HOMER1: variants seen among roughly 807,000 people sequenced by gnomAD.
HOMER1 encodes the protein homer scaffold protein 1, also known as homer protein homolog 1.
In HOMER1, 3 loss-of-function variants were observed where a neutral mutation model predicts 48.9. The observed-to-expected ratio is 0.06, with a 90% CI of 0.03 to 0.16. The LOEUF (loss-of-function observed/expected upper bound fraction) is 0.16, where lower values mean the gene tolerates loss of function less well. Ranked by LOEUF, HOMER1 falls within the 10% of genes least tolerant of loss-of-function variation. HOMER1 has a pLI of 1.00. For synonymous variants in HOMER1, 134 were observed against 146.4 expected (o/e 0.92, Z 0.61); for missense variants, 247 against 411.4 (o/e 0.60, Z 3.46).
intron 1 of HOMER1, among the ~76,000 whole-genome samples, chr5:79,457,698 T>C (rs1006381286): frequency 6.6e-6 from 1 of 152,164 alleles, no homozygotes; most frequent in African/African-American, 2.4e-5. Context: ...AAAACATAGT[T>C]ATGTATTGAT....
chr5:79,509,337 T>C (rs1450091461), intron 1 of HOMER1, among the ~76,000 whole-genome samples: 11 of 152,194 alleles, frequency 7.2e-5, no homozygotes, highest in Admixed American at 6.5e-4. Flanking sequence ...AAGAATTCTT[T>C]ACCATTGCTG....
intron 1 of HOMER1, among the ~76,000 whole-genome samples, chr5:79,461,918 G>A (rs1044681904): frequency 2.6e-5 from 4 of 152,148 alleles, no homozygotes; most frequent in Admixed American, 6.5e-5. Context: ...ATAGATCCAT[G>A]CCGGGCGCAG....
At chr5:79,420,192 G>A (rs1444547998) in intron 5 of HOMER1, among the ~76,000 whole-genome samples, 1 of 152,066 alleles carries the variant, frequency 6.6e-6, no homozygotes, top group Admixed American at 6.6e-5. Flanking sequence ...GATGTTATTG[G>A]CTAGTGAACA....
intron 1 of HOMER1, among the ~76,000 whole-genome samples, chr5:79,492,068 A>G (rs1383077020): frequency 6.6e-6 from 1 of 152,218 alleles, no homozygotes; most frequent in South Asian, 2.1e-4. Context: ...TCCCTTTCCC[A>G]AGGTTAAAAA....
At chr5:79,502,579 T>C (rs1448177559) in intron 1 of HOMER1, among the ~76,000 whole-genome samples, 1 of 152,222 alleles carries the variant, frequency 6.6e-6, no homozygotes, top group African/African-American at 2.4e-5. Context: ...TTTTATATAC[T>C]TGAGGTCATA....
Position 79,398,695 on chromosome 5 carries a change from C to T in HOMER1, c.685-1058G>A, listed in dbSNP as rs139533392. Among the ~76,000 whole-genome samples, 359 of 152,174 alleles carry T rather than the reference C, an allele frequency of 2.4e-3. 1 individual carries two copies. The highest frequency in any genetic ancestry group is 7.9e-3 in the African/African-American group (328 of 41,536). On this transcript the variant is annotated intron_variant, in intron 6 of 8. Coordinates refer to ENST00000334082, the MANE Select transcript of HOMER1 (RefSeq NM_004272.5). ...GACTTTCAGCAGCTCATCTTTTTTA[C>T]GGTATCAGATCTAAACGCTCAGATC... is the stretch of plus-strand genomic sequence containing the variant.
Position 79,375,591 on chromosome 5 carries a change from A to G in HOMER1, c.*418T>C, listed in dbSNP as rs930925505. ...CAGGCTTTCATCACTAAGTTTTTGCACAAAACACAGCTCTAGATATCGTAA... is the reference window on the plus strand; with the variant it reads ...CAGGCTTTCATCACTAAGTTTTTGCGCAAAACACAGCTCTAGATATCGTAA... On this transcript the variant is annotated 3_prime_UTR_variant, in exon 9 of 9. Coordinates refer to ENST00000334082, the MANE Select transcript of HOMER1 (RefSeq NM_004272.5). 6.5e-6 allele frequency: 1 copy of G among 152,700 alleles called. No homozygotes were observed. Among genetic ancestry groups the G allele is most frequent in the African/African-American group, 2.4e-5 (1 of 41,484 alleles). The allele number at this position is 152,700 out of a possible 1,614,324, so 9.5% of individuals were successfully genotyped here.
At chr5:79,501,773 T>C (rs911027002) in intron 1 of HOMER1, among the ~76,000 whole-genome samples, 25 of 152,152 alleles carry the variant, frequency 1.6e-4, no homozygotes, top group Admixed American at 6.6e-5. Context: ...GTCAAAGCTA[T>C]ATTACCTCCC....
rs568246462 is a variant in HOMER1 at position 79,507,231 on chromosome 5, A to C, written c.5+5539T>G. Among the ~76,000 whole-genome samples the C allele has an allele frequency of 1.4e-3, 205 of 151,238 alleles. 3 individuals are homozygous for C. Among genetic ancestry groups the C allele is most frequent in the African/African-American group, 3.4e-3 (142 of 41,274 alleles). Reference sequence around the variant, plus strand: ...CTATCTCAAAAAAAAAAAAAAAAAAAAAAACCAAAACAAAAAAAAAACAGT... The same window carrying C: ...CTATCTCAAAAAAAAAAAAAAAAAACAAAACCAAAACAAAAAAAAAACAGT... On this transcript the variant is annotated intron_variant, in intron 1 of 8. Transcript: ENST00000334082.
In HOMER1 at chr5:79,512,869, T is replaced by C. The variant is rs1752979616; in HGVS notation, c.-95A>G. On this transcript the variant is annotated 5_prime_UTR_variant, in exon 1 of 9. Transcript: ENST00000334082. ...CCGTCTGCTATTTCGCAGTTGCTTT[T>C]CCACCCCCACCCCCAGATCCTTGTC... The C allele has an allele frequency of 8.6e-7, 1 of 1,167,558 alleles. No individual in the cohort carries two copies. The highest frequency in any genetic ancestry group is 1.3e-6 in the Non-Finnish European group (1 of 776,896). 72.3% of individuals were successfully genotyped at this position (1,167,558 alleles called of 1,614,324 possible). A position where few individuals can be genotyped will look rare whatever the true frequency, so the allele number is the denominator to read the frequency against.
At chr5:79,474,355 T>C (rs1751702133) in intron 1 of HOMER1, among the ~76,000 whole-genome samples, 1 of 132,664 alleles carries the variant, frequency 7.5e-6, no homozygotes, top group South Asian at 2.2e-4. Context: ...TCCTGGCCTT[T>C]CTAAACTTTC....
chr5:79,454,786 T>A (rs1035973437), intron 2 of HOMER1, among the ~76,000 whole-genome samples: 1 of 152,138 alleles, frequency 6.6e-6, no homozygotes, highest in Admixed American at 6.5e-5. Context: ...TTATTCCCCA[T>A]AAAACACTAG....
intron 8 of HOMER1, among the ~76,000 whole-genome samples, chr5:79,391,748 A>T (rs1223525227): frequency 6.6e-6 from 1 of 151,964 alleles, no homozygotes; most frequent in Non-Finnish European, 1.5e-5. Context: ...GTCTCAAAAA[A>T]AAAAAAGAAA....
chr5:79,421,754 G>A (rs969702979), intron 5 of HOMER1, among the ~76,000 whole-genome samples: 1 of 151,706 alleles, frequency 6.6e-6, no homozygotes, highest in African/African-American at 2.4e-5. Context: ...ACAGGCACCC[G>A]CCACCATGCC....
chr5:79,422,372 C>T (rs1750125498), intron 5 of HOMER1, among the ~76,000 whole-genome samples: 1 of 152,032 alleles, frequency 6.6e-6, no homozygotes, highest in Non-Finnish European at 1.5e-5. Context: ...CTTATTTTTG[C>T]ATCAAATAGT....
At chr5:79,379,122 TAAA>T (rs1748870357) in intron 8 of HOMER1, among the ~76,000 whole-genome samples, 1 of 95,734 alleles carries the variant, frequency 1.0e-5, no homozygotes, top group African/African-American at 4.6e-5. Flanking sequence ...ATAAAATATA[TAAA>T]TATTTATTTA....
intron 1 of HOMER1, among the ~76,000 whole-genome samples, chr5:79,500,955 GAC>G (rs199953253): frequency 0.051 from 5,541 of 109,454 alleles, 166 homozygotes; most frequent in Admixed American, 0.079. Context: ...GTGTGTGTGA[GAC>G]AGACAGACAC....
In HOMER1 at chr5:79,513,317, T is replaced by C. The variant is rs1205431631; in HGVS notation, c.-543A>G. 6.5e-6 allele frequency: 1 copy of C among 154,726 alleles called. No homozygotes were observed. Among genetic ancestry groups the C allele is most frequent in the East Asian group, 1.9e-4 (1 of 5,202 alleles). The allele number at this position is 154,726 out of a possible 1,614,324, so 9.6% of individuals were successfully genotyped here. On this transcript the variant is annotated 5_prime_UTR_variant, in exon 1 of 9. Transcript: ENST00000334082. ...CCTGCGCTCACATTAGGAAAAAAAC[T>C]ACACAGGAAAATCTCCTCGAAGTGC...
rs560488875 is a variant in HOMER1 at position 79,430,220 on chromosome 5, A to C, written c.527+8790T>G. ...TTAAAAATGAGCAAAGGATCTGAAC[A>C]GCCATTTTTCCAAAGAATACCCACA... is the stretch of plus-strand genomic sequence containing the variant. On this transcript the variant is annotated intron_variant, in intron 5 of 8. Transcript: ENST00000334082. Among the ~76,000 whole-genome samples the C allele has an allele frequency of 2.6e-3, 390 of 152,338 alleles. 3 individuals are homozygous for C. Among genetic ancestry groups the C allele is most frequent in the African/African-American group, 8.8e-3 (368 of 41,582 alleles).
Sources: allele counts gnomAD v4.1 joint callset (sites outside exome capture counted in the v4.1 genomes callset), GRCh38; gene constraint gnomAD v4.1.1; transcripts MANE v1.5; gene names NCBI Gene and HGNC (gene_info 2026-07-23, HGNC 2026-07-21).